The following GNB4 variants were observed in gnomAD, a reference collection of about 807,000 sequenced individuals.
GNB4 encodes the protein guanine nucleotide-binding protein subunit beta-4.
A neutral mutation model predicts 45.2 loss-of-function variants in GNB4; 28 were observed. That is an observed-to-expected ratio of 0.62 (90% CI 0.46 to 0.85). The LOEUF (loss-of-function observed/expected upper bound fraction) is 0.85, where lower values mean the gene tolerates loss of function less well. Among genes scored for constraint, GNB4 ranks in the 40% least tolerant of loss-of-function variants. The pLI is 0.00. For synonymous variants in GNB4, 132 were observed against 143.7 expected, an observed-to-expected ratio of 0.92 and a Z score of 0.58; for missense variants, 321 against 425.4, an observed-to-expected ratio of 0.75 and a Z score of 2.16.
intron 1 of GNB4, among the ~76,000 whole-genome samples, chr3:179,430,159 A>AT (rs113978357): frequency 9.2e-5 from 14 of 151,674 alleles, no homozygotes; most frequent in African/African-American, 3.4e-4. Flanking sequence ...AGTGGTGGTT[A>AT]ACTGCAGCTT....
chr3:179,492,336 G>A, the GNB4 span, among the ~76,000 whole-genome samples: 45 of 152,254 alleles, frequency 3.0e-4, no homozygotes, highest in African/African-American at 1.0e-3. Context: ...CCCACCCCAA[G>A]ATCTGAGCTA....
the GNB4 span, chr3:179,465,134 A>T: frequency 7.7e-7 from 1 of 1,303,186 alleles, no homozygotes; most frequent in Non-Finnish European, 1.1e-6. Context: ...CACAGCAGAT[A>T]TGATCAAGGA....
At chr3:179,493,723 A>T in the GNB4 span, among the ~76,000 whole-genome samples, 3 of 152,296 alleles carry the variant, frequency 2.0e-5, no homozygotes, top group Admixed American at 1.3e-4. Flanking sequence ...ATGAAAACCA[A>T]GTGGAGGAAG....
At chr3:179,492,271 C>T in the GNB4 span, among the ~76,000 whole-genome samples, 470 of 152,320 alleles carry the variant, frequency 3.1e-3, 2 homozygotes, top group African/African-American at 0.01. Flanking sequence ...CTTGATCAAG[C>T]TGCCCAAAGT....
intron 1 of GNB4, among the ~76,000 whole-genome samples, chr3:179,427,042 G>T (rs1715168493): frequency 6.6e-6 from 1 of 151,966 alleles, no homozygotes; most frequent in Non-Finnish European, 1.5e-5. Context: ...GTTGTTCAAA[G>T]ACTTCTCTGA....
the GNB4 span, among the ~76,000 whole-genome samples, chr3:179,508,932 GTATATA>G: frequency 2.9e-5 from 3 of 102,178 alleles, no homozygotes; most frequent in African/African-American, 1.4e-4. Context: ...TTCAGCATGT[GTATATA>G]TATATATATA....
At chr3:179,432,791 G>A (rs890774719) in intron 1 of GNB4, among the ~76,000 whole-genome samples, 1 of 152,206 alleles carries the variant, frequency 6.6e-6, no homozygotes, top group South Asian at 2.1e-4. Context: ...AGAAGAGAAA[G>A]TCATCTAACC....
At chr3:179,401,910 C>T (rs908152784) in intron 9 of GNB4, among the ~76,000 whole-genome samples, 49 of 152,172 alleles carry the variant, frequency 3.2e-4, no homozygotes, top group Admixed American at 1.5e-3. Flanking sequence ...ACACATTAAA[C>T]TCATTTGATG....
chr3:179,513,156 A>G, the GNB4 span, among the ~76,000 whole-genome samples: 3 of 151,694 alleles, frequency 2.0e-5, no homozygotes, highest in Non-Finnish European at 2.9e-5. Flanking sequence ...TTTCAATACT[A>G]AAGAAAGGAT....
chr3:179,482,653 C>T, the GNB4 span, among the ~76,000 whole-genome samples: 1 of 152,174 alleles, frequency 6.6e-6, no homozygotes, highest in African/African-American at 2.4e-5. Flanking sequence ...GGTAGAGCCA[C>T]CTCTACTGCC....
the GNB4 span, among the ~76,000 whole-genome samples, chr3:179,468,035 A>AAAAATATATATATAT: frequency 3.1e-4 from 28 of 89,826 alleles, no homozygotes; most frequent in East Asian, 1.3e-3. Context: ...TGTTGATAAA[A>AAAAATATATATATAT]ATATATATAT....
chr3:179,509,623 C>T, the GNB4 span, among the ~76,000 whole-genome samples: 1 of 151,352 alleles, frequency 6.6e-6, no homozygotes, highest in East Asian at 1.9e-4. Context: ...GACCCTTGGC[C>T]TCCATTCACC....
At chr3:179,500,164 A>C in the GNB4 span, among the ~76,000 whole-genome samples, 158 of 152,292 alleles carry the variant, frequency 1.0e-3, 1 homozygote, top group African/African-American at 3.8e-3. Flanking sequence ...GCCCATGCCA[A>C]TGTCCTGAAT....
the GNB4 span, chr3:179,464,918 C>T: frequency 1.3e-6 from 2 of 1,526,616 alleles, no homozygotes; most frequent in African/African-American, 1.4e-5. Context: ...CATTCCAACC[C>T]TAGGGAAGAA....
intron 1 of GNB4, among the ~76,000 whole-genome samples, chr3:179,430,192 C>T (rs1715268805): frequency 6.6e-6 from 1 of 152,050 alleles, no homozygotes; most frequent in African/African-American, 2.4e-5. Flanking sequence ...CTCAAGCAAT[C>T]CTCCAGCCTC....
At chr3:179,419,009 C>T (rs1166335001) in intron 4 of GNB4, among the ~76,000 whole-genome samples, 2 of 152,158 alleles carry the variant, frequency 1.3e-5, no homozygotes, top group African/African-American at 2.4e-5. Flanking sequence ...CCATTATTTG[C>T]GAATTTATGT....
the GNB4 span, among the ~76,000 whole-genome samples, chr3:179,484,836 A>ATGGGTGTGTG: frequency 6.8e-6 from 1 of 146,996 alleles, no homozygotes; most frequent in African/African-American, 2.5e-5. Flanking sequence ...AGCTATATAT[A>ATGGGTGTGTG]TGTGTGTGTG....
the GNB4 span, among the ~76,000 whole-genome samples, chr3:179,525,288 G>A: frequency 6.6e-6 from 1 of 152,160 alleles, no homozygotes; most frequent in African/African-American, 2.4e-5. Context: ...GTTTGTATTG[G>A]GGCCCAAGCG....
At chr3:179,496,611 T>A in the GNB4 span, among the ~76,000 whole-genome samples, 1 of 152,204 alleles carries the variant, frequency 6.6e-6, no homozygotes, top group South Asian at 2.1e-4. Context: ...ACTTTAGCTG[T>A]AAGGACACAT....
Sources: allele counts gnomAD v4.1 joint callset (sites outside exome capture counted in the v4.1 genomes callset), GRCh38; gene constraint gnomAD v4.1.1; transcripts MANE v1.5; gene names NCBI Gene and HGNC (gene_info 2026-07-23, HGNC 2026-07-21).